NELL1: variants seen among roughly 807,000 people sequenced by gnomAD.
NELL1 encodes protein kinase C-binding protein NELL1.
A neutral mutation model predicts 107.4 loss-of-function variants in NELL1; 76 were observed. The observed-to-expected ratio is 0.71, with a 90% CI of 0.59 to 0.86. The LOEUF (loss-of-function observed/expected upper bound fraction) is 0.86. Among genes scored for constraint, NELL1 ranks in the 40% least tolerant of loss-of-function variants. The probability of loss-of-function intolerance (pLI) is 0.00; values close to 1 mark genes in which losing one functional copy is unlikely to be tolerated. For missense variants in NELL1, 1,024 were observed against 1,005.5 expected, an observed-to-expected ratio of 1.02 and a Z score of -0.25; for synonymous variants, 353 against 341.2, an observed-to-expected ratio of 1.03 and a Z score of -0.38.
In NELL1 at chr11:21,560,378, G is replaced by A; in HGVS notation, c.1976G>A (p.Cys659Tyr). Residue 659 changes from cysteine (C) to tyrosine (Y), a missense_variant, in exon 17 of 20, where the codon TGC becomes TAC. By Grantham distance (194) the Cys-to-Tyr change is radical. Transcript: ENST00000357134. ...LKEDRCSVCS[C>Y]KDGKIFCRRT... Reference sequence around the variant, plus strand: ...GAAGACAGGTGTTCTGTCTGCTCCTGCAAGGTGAGGCTGATGTGGTGCAGC... The same window carrying A: ...GAAGACAGGTGTTCTGTCTGCTCCTACAAGGTGAGGCTGATGTGGTGCAGC... 6.4e-7 allele frequency: 1 copy of A among 1,568,472 alleles called. No individual in the cohort carries two copies. The highest frequency in any genetic ancestry group is 8.6e-7 in the Non-Finnish European group (1 of 1,159,868).
chr11:20,971,549 T>G (rs1314298952), intron 12 of NELL1, among the ~76,000 whole-genome samples: 1 of 152,188 alleles, frequency 6.6e-6, no homozygotes, highest in Non-Finnish European at 1.5e-5. Context: ...ATTGTACTCT[T>G]GTTATTGCAG....
intron 15 of NELL1, among the ~76,000 whole-genome samples, chr11:21,489,403 A>AAAAAAAAAAAAAAAAAAAAC (rs1564920475): frequency 6.8e-6 from 1 of 146,886 alleles, no homozygotes; most frequent in Non-Finnish European, 1.5e-5. Context: ...AAAAAAAAAA[A>AAAAAAAAAAAAAAAAAAAAC]AAAAACAGAA....
intron 3 of NELL1, among the ~76,000 whole-genome samples, chr11:20,818,397 C>G (rs1038103422): frequency 1.5e-5 from 2 of 133,842 alleles, no homozygotes; most frequent in African/African-American, 5.5e-5. Flanking sequence ...ATAAGAGAAG[C>G]AACCCCTGCT....
At chr11:20,869,938 C>T (rs1175922464) in intron 4 of NELL1, among the ~76,000 whole-genome samples, 1 of 152,086 alleles carries the variant, frequency 6.6e-6, no homozygotes, top group Non-Finnish European at 1.5e-5. Context: ...GGTGAGGTTA[C>T]TAAAAGGTTA....
intron 13 of NELL1, among the ~76,000 whole-genome samples, chr11:21,187,557 T>C (rs1205508841): frequency 6.6e-6 from 1 of 151,826 alleles, no homozygotes. Context: ...TTTTTGCCTA[T>C]TTATTTTTAA....
chr11:21,477,132 G>A (rs2133894147), intron 15 of NELL1, among the ~76,000 whole-genome samples: 1 of 152,220 alleles, frequency 6.6e-6, no homozygotes. Context: ...GGTGGCCAAG[G>A]GAGTGCTTGC....
At chr11:21,359,415 T>C (rs1297713684) in intron 14 of NELL1, among the ~76,000 whole-genome samples, 1 of 152,216 alleles carries the variant, frequency 6.6e-6, no homozygotes, top group Admixed American at 6.5e-5. Context: ...TAGTATTTTA[T>C]TGAAGATGTA....
intron 14 of NELL1, among the ~76,000 whole-genome samples, chr11:21,283,335 T>A (rs192255666): frequency 1.2e-4 from 19 of 152,224 alleles, no homozygotes; most frequent in East Asian, 1.9e-4. Flanking sequence ...AAATATTTTT[T>A]AAAAAATTAA....
chr11:21,143,537 T>C (rs961988976), intron 13 of NELL1, among the ~76,000 whole-genome samples: 4 of 152,204 alleles, frequency 2.6e-5, no homozygotes, highest in African/African-American at 4.8e-5. Context: ...TGTCCCATGT[T>C]CAATTTGTTA....
intron 14 of NELL1, among the ~76,000 whole-genome samples, chr11:21,310,121 T>C (rs1470804304): frequency 1.3e-5 from 2 of 152,082 alleles, no homozygotes; most frequent in African/African-American, 4.8e-5. Flanking sequence ...AGCTATTTAA[T>C]TTAAAATAAT....
intron 5 of NELL1, among the ~76,000 whole-genome samples, chr11:20,896,875 A>G (rs371819050): frequency 1.3e-5 from 2 of 151,806 alleles, no homozygotes; most frequent in Non-Finnish European, 1.5e-5. Flanking sequence ...GGACCTCTTC[A>G]AGGAGAACTA....
In NELL1 at chr11:21,502,976, G is replaced by A. The variant is rs544133011; in HGVS notation, c.1646-31398G>A. On this transcript the variant is annotated intron_variant, in intron 15 of 19. Transcript: ENST00000357134. ...AGGCTCACCACAACTTCCGCCTCCCGGGTTCAAGTGATTCTCCTGCCTCAA... is the reference window on the plus strand; with the variant it reads ...AGGCTCACCACAACTTCCGCCTCCCAGGTTCAAGTGATTCTCCTGCCTCAA... Among the ~76,000 whole-genome samples, 1,162 of 152,154 alleles carry A rather than the reference G, an allele frequency of 7.6e-3. 6 individuals carry two copies. The highest frequency in any genetic ancestry group is 0.012 in the Non-Finnish European group (843 of 68,004).
At chr11:21,530,506 G>A (rs544890555) in intron 15 of NELL1, among the ~76,000 whole-genome samples, 15 of 152,138 alleles carry the variant, frequency 9.9e-5, no homozygotes, top group Admixed American at 3.9e-4. Flanking sequence ...TTGGGTATTC[G>A]TCTGTTTCTC....
At chr11:21,459,042 T>A (rs1853826344) in intron 15 of NELL1, among the ~76,000 whole-genome samples, 1 of 152,040 alleles carries the variant, frequency 6.6e-6, no homozygotes, top group Non-Finnish European at 1.5e-5. Flanking sequence ...TTACACACTC[T>A]AGAAAATGGT....
chr11:20,979,085 G>C (rs1214244557), intron 12 of NELL1, among the ~76,000 whole-genome samples: 1 of 152,020 alleles, frequency 6.6e-6, no homozygotes, highest in Non-Finnish European at 1.5e-5. Flanking sequence ...CTTAGTTTTT[G>C]GTCGACTGAA....
intron 12 of NELL1, among the ~76,000 whole-genome samples, chr11:21,013,488 A>G (rs1207515854): frequency 6.6e-6 from 1 of 152,154 alleles, no homozygotes; most frequent in Non-Finnish European, 1.5e-5. Context: ...GTAACCAGCC[A>G]GAAGATATCA....
At chr11:20,785,411 T>C (rs1856934309) in intron 3 of NELL1, among the ~76,000 whole-genome samples, 1 of 152,212 alleles carries the variant, frequency 6.6e-6, no homozygotes, top group South Asian at 2.1e-4. Flanking sequence ...GAGAAAGGTA[T>C]AGGTTCTCAT....
At chr11:20,929,903 C>T (rs903427820) in intron 9 of NELL1, among the ~76,000 whole-genome samples, 1 of 148,840 alleles carries the variant, frequency 6.7e-6, no homozygotes, top group African/African-American at 2.5e-5. Flanking sequence ...ACCCGGGAGG[C>T]AGAGGTTGCA....
intron 16 of NELL1, among the ~76,000 whole-genome samples, chr11:21,537,656 C>T (rs1432404813): frequency 6.8e-6 from 1 of 146,018 alleles, no homozygotes; most frequent in Non-Finnish European, 1.5e-5. Flanking sequence ...TGTTTGAGGG[C>T]AGAGACCTTG....
Sources: allele counts gnomAD v4.1 joint callset (sites outside exome capture counted in the v4.1 genomes callset), GRCh38; gene constraint gnomAD v4.1.1; transcripts MANE v1.5; gene names NCBI Gene and HGNC (gene_info 2026-07-23, HGNC 2026-07-21).